Variants in PTK2 observed in about 807,000 individuals in gnomAD.
PTK2 encodes focal adhesion kinase 1.
Under a neutral mutation model 150.1 loss-of-function variants are expected in PTK2, and 45 were observed. That is an observed-to-expected ratio of 0.30 (90% CI 0.24 to 0.38). The LOEUF (loss-of-function observed/expected upper bound fraction) is 0.38. PTK2 is among the 10% of genes least tolerant of loss of function. The probability of loss-of-function intolerance (pLI) is 1.00; values close to 1 mark genes in which losing one functional copy is unlikely to be tolerated. For synonymous variants in PTK2, 432 were observed against 449.2 expected, an observed-to-expected ratio of 0.96 and a Z score of 0.48; for missense variants, 919 against 1,307.3, an observed-to-expected ratio of 0.70 and a Z score of 4.58.
intron 2 of PTK2, among the ~76,000 whole-genome samples, chr8:140,891,484 T>G (rs2100154231): frequency 1.3e-5 from 2 of 152,174 alleles, no homozygotes; most frequent in South Asian, 2.1e-4. Flanking sequence ...AAAGATATTC[T>G]GAGGCAACCA....
intron 14 of PTK2, among the ~76,000 whole-genome samples, chr8:140,779,023 G>T (rs1366927197): frequency 6.6e-6 from 1 of 151,998 alleles, no homozygotes; most frequent in Non-Finnish European, 1.5e-5. Flanking sequence ...CACTTTGGGA[G>T]GCCAAGGAGG....
chr8:140,898,692 C>A (rs1190655542), intron 2 of PTK2, among the ~76,000 whole-genome samples: 1 of 152,076 alleles, frequency 6.6e-6, no homozygotes, highest in African/African-American at 2.4e-5. Flanking sequence ...ATAATAAACA[C>A]CCTACTCTTT....
chr8:140,758,025 TTACTA>T (rs1437387338), intron 16 of PTK2, among the ~76,000 whole-genome samples: 2 of 152,280 alleles, frequency 1.3e-5, no homozygotes, highest in South Asian at 2.1e-4. Flanking sequence ...TTTTGTGTAT[TTACTA>T]TACTTTGTTT....
chr8:140,890,375 G>A (rs755815512), intron 3 of PTK2, 168 bp downstream of exon 3: 13 of 534,974 alleles, frequency 2.4e-5, no homozygotes, highest in Non-Finnish European at 3.8e-5. Flanking sequence ...TAGAACGCTG[G>A]TCAGTCACAT....
At chr8:140,735,951 C>T (rs1229072335) in intron 21 of PTK2, among the ~76,000 whole-genome samples, 1 of 152,178 alleles carries the variant, frequency 6.6e-6, no homozygotes, top group African/African-American at 2.4e-5. Flanking sequence ...CATAAAGGCA[C>T]CATTATCTGG....
intron 1 of PTK2, among the ~76,000 whole-genome samples, chr8:140,980,790 G>A (rs370646005): frequency 5.7e-5 from 8 of 139,650 alleles, no homozygotes; most frequent in African/African-American, 1.6e-4. Context: ...TCACACTGTC[G>A]CCTGGGTTGG....
At chr8:140,972,687 A>G (rs2100187751) in intron 1 of PTK2, among the ~76,000 whole-genome samples, 1 of 152,204 alleles carries the variant, frequency 6.6e-6, no homozygotes, top group Non-Finnish European at 1.5e-5. Context: ...AACCTAAAAT[A>G]TTCACTATCT....
rs937291686 is a variant in PTK2 at position 140,782,018 on chromosome 8, T to C, written c.1177+7456A>G. 2.6e-5 allele frequency among the ~76,000 whole-genome samples: 4 copies of C among 152,220 alleles called. No homozygotes were observed. The East Asian group carries it at 5.8e-4, about 22-fold the overall frequency. On this transcript the variant is annotated intron_variant, in intron 14 of 31. Coordinates refer to ENST00000522684, the Ensembl canonical transcript of PTK2. ...ACAACACGATCAGCCAGTCTATCCA[T>C]ATGAAGTCAGTGACAACTGTACGCT...
chr8:140,737,924 C>G (rs2100053531), intron 21 of PTK2, among the ~76,000 whole-genome samples: 1 of 152,130 alleles, frequency 6.6e-6, no homozygotes, highest in South Asian at 2.1e-4. Context: ...CATGTCATGC[C>G]ATATCCTGTT....
intron 1 of PTK2, among the ~76,000 whole-genome samples, chr8:140,958,618 G>GT (rs1405720640): frequency 6.6e-6 from 1 of 152,222 alleles, no homozygotes; most frequent in Non-Finnish European, 1.5e-5. Flanking sequence ...CACTTGAAAT[G>GT]TAACTAGGCC....
intron 31 of PTK2, chr8:140,660,555 C>G: frequency 4.4e-6 from 2 of 451,014 alleles, no homozygotes; most frequent in Admixed American, 2.4e-5. Flanking sequence ...GAAACCCCAT[C>G]TCTACAAAAA....
chr8:140,847,861 C>G (rs1567477584), intron 5 of PTK2, among the ~76,000 whole-genome samples: 1 of 152,152 alleles, frequency 6.6e-6, no homozygotes, highest in Non-Finnish European at 1.5e-5. Context: ...AGTCCCACCC[C>G]CAGTTAACTC....
Position 140,826,140 on chromosome 8 carries a change from T to C in PTK2, c.648+4332A>G, listed in dbSNP as rs543373592. 2.6e-5 allele frequency among the ~76,000 whole-genome samples: 4 copies of C among 152,282 alleles called. No individual in the cohort carries two copies. In the East Asian group the frequency reaches 7.7e-4, roughly 29 times the overall value. On this transcript the variant is annotated intron_variant, in intron 8 of 31. Coordinates refer to ENST00000522684, the Ensembl canonical transcript of PTK2. ...ACAAAATGATTTTTGGAGAAACAAA[T>C]GTAGCCTGTTTATGGAAAAGCCAAT... is the stretch of plus-strand genomic sequence containing the variant.
chr8:140,699,459 C>A (rs2100028901), intron 26 of PTK2, among the ~76,000 whole-genome samples: 1 of 152,166 alleles, frequency 6.6e-6, no homozygotes, highest in Non-Finnish European at 1.5e-5. Flanking sequence ...CTCTGTCCCA[C>A]CACTTCCTCT....
intron 25 of PTK2, among the ~76,000 whole-genome samples, 160 bp from the exon 29 acceptor site, chr8:140,701,182 C>T (rs1305800283): frequency 1.3e-5 from 2 of 152,100 alleles, no homozygotes; most frequent in Non-Finnish European, 2.9e-5. Context: ...CTGTAGGGGG[C>T]AATTTAATGT....
At chr8:140,742,916 T>G (rs929957985) in intron 20 of PTK2, among the ~76,000 whole-genome samples, 1 of 152,254 alleles carries the variant, frequency 6.6e-6, no homozygotes, top group Admixed American at 6.5e-5. Flanking sequence ...GTGTCAAGTC[T>G]AAGGATCCCT....
chr8:140,698,933 T>A (rs1190512965), intron 26 of PTK2, among the ~76,000 whole-genome samples: 1 of 147,592 alleles, frequency 6.8e-6, no homozygotes, highest in Non-Finnish European at 1.5e-5. Context: ...TATTTTTTTT[T>A]TTTTTTTTTT....
rs1413097794 is a variant in PTK2, at chr8:140,752,042, A to C, written c.1417+190T>G. ...ATCAATCTACCTTTACACATAAAAC[A>C]TGATGGTTTACCTGGAAAAATCTGT... On this transcript the variant is annotated intron_variant, in intron 17 of 31. Transcript: ENST00000522684. The C allele has an allele frequency of 1.3e-5, 9 of 700,938 alleles. No homozygotes were observed. The East Asian group carries it at 2.4e-4, about 19-fold the overall frequency. 43.4% of individuals were successfully genotyped at this position (700,938 alleles called of 1,614,324 possible). A position where few individuals can be genotyped will look rare whatever the true frequency, so the allele number is the denominator to read the frequency against.
chr8:140,746,358 T>G (rs2100058766), intron 18 of PTK2: 1 of 154,948 alleles, frequency 6.5e-6, no homozygotes, highest in Non-Finnish European at 1.4e-5. Context: ...ACAAAGTGAA[T>G]TCCCAAAAAG....
Sources: gnomAD v4.1 joint callset for allele counts (sites outside exome capture counted in the v4.1 genomes callset) on GRCh38, gnomAD v4.1.1 for gene constraint, MANE v1.5 for transcripts, NCBI Gene and HGNC (gene_info 2026-07-23, HGNC 2026-07-21) for gene names.